Variants in ZFPM2 observed in about 807,000 individuals in gnomAD.
ZFPM2 encodes the protein zinc finger protein ZFPM2.
Under a neutral mutation model 98.6 loss-of-function variants are expected in ZFPM2, and 20 were observed. That is an observed-to-expected ratio of 0.20 (90% CI 0.14 to 0.29). The LOEUF is 0.29. ZFPM2 is among the 10% of genes least tolerant of loss of function. The pLI is 1.00. For missense variants in ZFPM2, 1,310 were observed against 1,388.6 expected, an observed-to-expected ratio of 0.94 and a Z score of 0.90; for synonymous variants, 518 against 502.7, an observed-to-expected ratio of 1.03 and a Z score of -0.41.
At chr8:105,647,499 G>A (rs9297366) in intron 5 of ZFPM2, among the ~76,000 whole-genome samples, 69,961 of 150,084 alleles carry the variant, frequency 0.47, 16,612 homozygotes, top group African/African-American at 0.53. Flanking sequence ...TTTACATTAG[G>A]TATATCTCCT....
chr8:105,488,438 T>A (rs1391812138), intron 3 of ZFPM2, among the ~76,000 whole-genome samples: 1 of 152,110 alleles, frequency 6.6e-6, no homozygotes, highest in Non-Finnish European at 1.5e-5. Flanking sequence ...ATTATTTCCA[T>A]TTTGCAGAAT....
At chr8:105,392,799 C>G (rs1255802358) in intron 1 of ZFPM2, among the ~76,000 whole-genome samples, 1 of 152,154 alleles carries the variant, frequency 6.6e-6, no homozygotes, top group African/African-American at 2.4e-5. Flanking sequence ...TGCTTCACCC[C>G]TTTGAACTTC....
chr8:105,737,256 A>T (rs1812096858), intron 5 of ZFPM2: 1 of 152,312 alleles, frequency 6.6e-6, no homozygotes, highest in African/African-American at 2.4e-5. Context: ...GTGATCCTTT[A>T]TTGAAATATT....
rs12544888 is a variant in ZFPM2 at position 105,569,585 on chromosome 8, A to T, written c.420+8104A>T. On this transcript the variant is annotated intron_variant, in intron 4 of 7. Coordinates refer to ENST00000407775, the MANE Select transcript of ZFPM2 (RefSeq NM_012082.4). ...TTTTATCTCATAAGGAGATATGCCC[A>T]TGATGGTTTCTTGAGAAAAGTTGAC... 3.8e-3 allele frequency among the ~76,000 whole-genome samples: 585 copies of T among 152,326 alleles called. 13 individuals carry two copies. The highest frequency in any genetic ancestry group is 0.034 in the Admixed American group (516 of 15,294).
intron 5 of ZFPM2, among the ~76,000 whole-genome samples, chr8:105,699,815 A>T (rs1310753254): frequency 6.6e-6 from 1 of 152,190 alleles, no homozygotes; most frequent in Admixed American, 6.5e-5. Flanking sequence ...TAAAATAAAA[A>T]TGTTGAACAC....
chr8:105,516,984 G>C (rs1813937784), intron 3 of ZFPM2, among the ~76,000 whole-genome samples: 1 of 152,048 alleles, frequency 6.6e-6, no homozygotes, highest in Admixed American at 6.5e-5. Context: ...TTTCTGTCCA[G>C]GGTCTTAAAA....
chr8:105,343,748 G>A (rs1482111175), intron 1 of ZFPM2, among the ~76,000 whole-genome samples: 2 of 152,150 alleles, frequency 1.3e-5, no homozygotes, highest in East Asian at 3.9e-4. Flanking sequence ...AATATAGGAA[G>A]TAATGGCAAT....
chr8:105,758,982 T>A (rs1812673914), intron 5 of ZFPM2, among the ~76,000 whole-genome samples: 1 of 152,126 alleles, frequency 6.6e-6, no homozygotes, highest in African/African-American at 2.4e-5. Flanking sequence ...ATATGCCATT[T>A]GATAGGGGCT....
At chr8:105,568,804 A>G (rs903534575) in intron 4 of ZFPM2, among the ~76,000 whole-genome samples, 3 of 152,142 alleles carry the variant, frequency 2.0e-5, no homozygotes, top group African/African-American at 2.4e-5. Flanking sequence ...AGCCTAAAAA[A>G]GGCCTTCCTG....
At chr8:105,744,868 C>T (rs1812307301) in intron 5 of ZFPM2, among the ~76,000 whole-genome samples, 1 of 152,148 alleles carries the variant, frequency 6.6e-6, no homozygotes, top group African/African-American at 2.4e-5. Flanking sequence ...GCTATACATA[C>T]ACCATGGTAT....
At chr8:105,449,256 G>T (rs1812439081) in intron 3 of ZFPM2, among the ~76,000 whole-genome samples, 1 of 151,938 alleles carries the variant, frequency 6.6e-6, no homozygotes, top group Admixed American at 6.6e-5. Flanking sequence ...ACTTCCAGGA[G>T]CTCTAATAAA....
At chr8:105,510,660 G>C (rs1344566288) in intron 3 of ZFPM2, among the ~76,000 whole-genome samples, 1 of 152,162 alleles carries the variant, frequency 6.6e-6, no homozygotes, top group Non-Finnish European at 1.5e-5. Context: ...CTTGTGGAGA[G>C]GTTGCAAAAC....
intron 1 of ZFPM2, among the ~76,000 whole-genome samples, chr8:105,351,354 C>CTTGT (rs1554596832): frequency 2.1e-5 from 3 of 144,754 alleles, no homozygotes; most frequent in Non-Finnish European, 4.5e-5. Flanking sequence ...TGCATTATTT[C>CTTGT]GTGTGTGTGT....
At chr8:105,720,489 T>C (rs1378031198) in intron 5 of ZFPM2, among the ~76,000 whole-genome samples, 1 of 151,926 alleles carries the variant, frequency 6.6e-6, no homozygotes, top group East Asian at 1.9e-4. Context: ...TAATTACTAA[T>C]AATCTCTAGG....
At chr8:105,663,167 A>C (rs1385011971) in intron 5 of ZFPM2, among the ~76,000 whole-genome samples, 1 of 152,198 alleles carries the variant, frequency 6.6e-6, no homozygotes. Flanking sequence ...AGCACTAGGC[A>C]CTGGGAATGA....
chr8:105,592,091 G>C (rs1399737017), intron 4 of ZFPM2, among the ~76,000 whole-genome samples: 2 of 152,086 alleles, frequency 1.3e-5, no homozygotes, highest in Admixed American at 6.6e-5. Context: ...CCATTTCAAA[G>C]CACTGTAGTG....
chr8:105,421,175 C>A (rs1423622749), intron 2 of ZFPM2, among the ~76,000 whole-genome samples: 1 of 151,894 alleles, frequency 6.6e-6, no homozygotes, highest in East Asian at 1.9e-4. Flanking sequence ...TAATGACAGA[C>A]TTTTAGGAAT....
chr8:105,755,456 T>C (rs1238352561), intron 5 of ZFPM2, among the ~76,000 whole-genome samples: 2 of 152,146 alleles, frequency 1.3e-5, no homozygotes, highest in African/African-American at 4.8e-5. Flanking sequence ...ATAGAATGCA[T>C]TACAAAAGAA....
chr8:105,374,750 T>C (rs1339052271), intron 1 of ZFPM2, among the ~76,000 whole-genome samples: 1 of 152,072 alleles, frequency 6.6e-6, no homozygotes, highest in Non-Finnish European at 1.5e-5. Flanking sequence ...CATAGGAACA[T>C]AGGGCAGGTA....
Sources: gnomAD v4.1 joint callset for allele counts (sites outside exome capture counted in the v4.1 genomes callset) on GRCh38, gnomAD v4.1.1 for gene constraint, MANE v1.5 for transcripts, NCBI Gene and HGNC (gene_info 2026-07-23, HGNC 2026-07-21) for gene names.